BTBD10: variants seen among roughly 807,000 people sequenced by gnomAD.
The protein encoded by BTBD10 is BTB/POZ domain-containing protein 10.
Under a neutral mutation model 53.2 loss-of-function variants are expected in BTBD10, and 21 were observed. That is an observed-to-expected ratio of 0.39 (90% CI 0.28 to 0.57). The LOEUF (loss-of-function observed/expected upper bound fraction) is 0.57, where lower values mean the gene tolerates loss of function less well. BTBD10 is among the 20% of genes least tolerant of loss of function. The pLI is 0.53. For synonymous variants in BTBD10, 149 were observed against 192.7 expected, an observed-to-expected ratio of 0.77 and a Z score of 1.88; for missense variants, 360 against 594.7, an observed-to-expected ratio of 0.61 and a Z score of 4.10.
intron 1 of BTBD10, among the ~76,000 whole-genome samples, chr11:13,452,106 G>C (rs566372576): frequency 6.6e-6 from 1 of 152,274 alleles, no homozygotes; most frequent in East Asian, 1.9e-4. Flanking sequence ...AAGAGATTCA[G>C]AGACAGGAGG....
chr11:13,401,141 T>TTA (rs1008510578), intron 8 of BTBD10, among the ~76,000 whole-genome samples: 310 of 140,518 alleles, frequency 2.2e-3, no homozygotes, highest in African/African-American at 7.1e-3. Flanking sequence ...ATATATTACA[T>TTA]TATATATATA....
At chr11:13,453,571 G>A (rs1950906729) in intron 1 of BTBD10, among the ~76,000 whole-genome samples, 1 of 152,150 alleles carries the variant, frequency 6.6e-6, no homozygotes, top group African/African-American at 2.4e-5. Context: ...CTGCTTAAGT[G>A]TAGTTTTGTA....
intron 1 of BTBD10, among the ~76,000 whole-genome samples, chr11:13,460,435 C>A (rs970361019): frequency 1.3e-5 from 2 of 152,160 alleles, no homozygotes; most frequent in Non-Finnish European, 2.9e-5. Context: ...CACTCCCATT[C>A]CCCATAACCC....
At chr11:13,409,927 GTAAAC>G (rs1949903914) in intron 6 of BTBD10, among the ~76,000 whole-genome samples, 1 of 152,112 alleles carries the variant, frequency 6.6e-6, no homozygotes, top group Admixed American at 6.5e-5. Flanking sequence ...AAGTTAAATG[GTAAAC>G]TAGAAATGAA....
At chr11:13,437,385 T>C (rs1001457112) in intron 2 of BTBD10, among the ~76,000 whole-genome samples, 10 of 152,298 alleles carry the variant, frequency 6.6e-5, no homozygotes, top group Admixed American at 2.6e-4. Flanking sequence ...GCCTTACATA[T>C]ATACTCCCAA....
At chr11:13,415,085 G>A (rs1182720561) in intron 5 of BTBD10, among the ~76,000 whole-genome samples, 2 of 150,512 alleles carry the variant, frequency 1.3e-5, no homozygotes, top group Non-Finnish European at 2.9e-5. Context: ...TGGCACAAAC[G>A]GTCACAAACT....
intron 2 of BTBD10, among the ~76,000 whole-genome samples, chr11:13,430,925 G>A (rs1950434954): frequency 6.6e-6 from 1 of 150,616 alleles, no homozygotes; most frequent in South Asian, 2.1e-4. Flanking sequence ...TTTTGAGTGT[G>A]ATGTATATGC....
At chr11:13,452,104 C>T (rs189780901) in intron 1 of BTBD10, among the ~76,000 whole-genome samples, 101 of 152,186 alleles carry the variant, frequency 6.6e-4, no homozygotes, top group African/African-American at 2.4e-3. Context: ...AAAAGAGATT[C>T]AGAGACAGGA....
intron 2 of BTBD10, among the ~76,000 whole-genome samples, chr11:13,425,849 T>TATAC (rs1419413988): frequency 2.0e-5 from 3 of 152,192 alleles, no homozygotes; most frequent in African/African-American, 7.2e-5. Flanking sequence ...TCTAAATATG[T>TATAC]ATAATTATTA....
At chr11:13,434,384 A>G (rs1018838474) in intron 2 of BTBD10, among the ~76,000 whole-genome samples, 1 of 152,216 alleles carries the variant, frequency 6.6e-6, no homozygotes, top group African/African-American at 2.4e-5. Flanking sequence ...ACAAAGACCT[A>G]AAAACGTAAG....
rs1360585045 is a variant in BTBD10, at chr11:13,388,645, A to T, written c.*186T>A. On this transcript the variant is annotated 3_prime_UTR_variant, in exon 9 of 9. Coordinates refer to ENST00000278174, the MANE Select transcript of BTBD10 (RefSeq NM_032320.7). ...TTTACAACTGGAACTTCAAAATGCT[A>T]GAGTTGTACTCATTTAAAAAAAAAC... 1.8e-6 allele frequency: 1 copy of T among 556,260 alleles called. No individual in the cohort carries two copies. The highest frequency in any genetic ancestry group is 3.3e-5 in the Admixed American group (1 of 30,524). 34.5% of individuals were successfully genotyped at this position (556,260 alleles called of 1,614,324 possible). A position where few individuals can be genotyped will look rare whatever the true frequency, so the allele number is the denominator to read the frequency against.
intron 8 of BTBD10, among the ~76,000 whole-genome samples, chr11:13,391,888 G>A (rs868581224): frequency 6.6e-6 from 1 of 152,224 alleles, no homozygotes; most frequent in Non-Finnish European, 1.5e-5. Flanking sequence ...AGGCTGCAGT[G>A]AGCTGAGGTT....
At chr11:13,457,844 CT>C (rs1463267128) in intron 1 of BTBD10, among the ~76,000 whole-genome samples, 6 of 152,186 alleles carry the variant, frequency 3.9e-5, no homozygotes, top group Non-Finnish European at 8.8e-5. Flanking sequence ...GCAATTATCA[CT>C]GAGTCATGGG....
At chr11:13,444,991 C>G (rs749372873) in intron 2 of BTBD10, 33 bp downstream of exon 2, 2 of 1,530,108 alleles carry the variant, frequency 1.3e-6, no homozygotes, top group South Asian at 2.3e-5. Flanking sequence ...TTTAGCAGAG[C>G]TTTCATATGC....
At chr11:13,444,544 TAG>T (rs1259099546) in intron 2 of BTBD10, among the ~76,000 whole-genome samples, 3 of 152,154 alleles carry the variant, frequency 2.0e-5, no homozygotes, top group Non-Finnish European at 2.9e-5. Flanking sequence ...AATAAACCAG[TAG>T]AGTCATTCCA....
intron 2 of BTBD10, among the ~76,000 whole-genome samples, chr11:13,427,980 A>G (rs1373181159): frequency 6.6e-6 from 1 of 151,472 alleles, no homozygotes; most frequent in Non-Finnish European, 1.5e-5. Flanking sequence ...ATGACATTGT[A>G]ACAGTACTTA....
intron 2 of BTBD10, among the ~76,000 whole-genome samples, chr11:13,425,616 C>T (rs1279604612): frequency 6.6e-6 from 1 of 151,782 alleles, no homozygotes. Flanking sequence ...ATCAAGCTTC[C>T]AGAGATAAAA....
intron 1 of BTBD10, among the ~76,000 whole-genome samples, chr11:13,457,863 T>C (rs1951004123): frequency 6.6e-6 from 1 of 152,220 alleles, no homozygotes; most frequent in African/African-American, 2.4e-5. Context: ...GGGATTATGG[T>C]ACCATTTTCT....
At chr11:13,417,118 G>A (rs1178496506) in intron 5 of BTBD10, 40 bp downstream of exon 5, 1 of 1,446,548 alleles carries the variant, frequency 6.9e-7, no homozygotes, top group Non-Finnish European at 9.6e-7. Flanking sequence ...CTCCAAGAAG[G>A]CGTCTTATGA....
Sources: allele counts gnomAD v4.1 joint callset (sites outside exome capture counted in the v4.1 genomes callset), GRCh38; gene constraint gnomAD v4.1.1; transcripts MANE v1.5; gene names NCBI Gene and HGNC (gene_info 2026-07-23, HGNC 2026-07-21).